Variants in COL22A1 observed in about 807,000 individuals in gnomAD.
The protein encoded by COL22A1 is collagen type XXII alpha 1 chain.
In COL22A1, 221 loss-of-function variants were observed where a neutral mutation model predicts 248.9. The ratio of observed to expected loss-of-function variants is 0.89; its 90% confidence interval spans 0.80 to 0.99. The LOEUF (loss-of-function observed/expected upper bound fraction) is 0.99, where lower values mean the gene tolerates loss of function less well. Among genes scored for constraint, COL22A1 ranks in the 50% least tolerant of loss-of-function variants. The probability of loss-of-function intolerance (pLI) is 0.00; values close to 1 mark genes in which losing one functional copy is unlikely to be tolerated. For synonymous variants in COL22A1, 891 were observed against 793.4 expected, an observed-to-expected ratio of 1.12 and a Z score of -2.07; for missense variants, 2,240 against 2,179.0, an observed-to-expected ratio of 1.03 and a Z score of -0.56.
intron 12 of COL22A1, among the ~76,000 whole-genome samples, chr8:138,788,738 T>C (rs1815763708): frequency 6.6e-6 from 1 of 152,044 alleles, no homozygotes; most frequent in African/African-American, 2.4e-5. Context: ...CGTCATTTGG[T>C]TTATAAAAAA....
intron 59 of COL22A1, among the ~76,000 whole-genome samples, 185 bp from the exon 60 acceptor site, chr8:138,602,344 TCTC>T (rs1215654237): frequency 6.6e-6 from 1 of 152,112 alleles, no homozygotes; most frequent in Non-Finnish European, 1.5e-5. Flanking sequence ...CTGTGCCTTC[TCTC>T]CTTTCCTCCT....
At chr8:138,603,161 A>T (rs1587647840) in intron 59 of COL22A1, among the ~76,000 whole-genome samples, 2 of 152,326 alleles carry the variant, frequency 1.3e-5, no homozygotes, top group South Asian at 2.1e-4. Context: ...TGCAGGTGCC[A>T]TGTTCAGCCC....
intron 22 of COL22A1, among the ~76,000 whole-genome samples, chr8:138,747,887 G>C (rs1010001856): frequency 2.6e-5 from 4 of 152,158 alleles, no homozygotes; most frequent in Non-Finnish European, 5.9e-5. Context: ...GAACACAAGA[G>C]GAAGAAAAGA....
chr8:138,758,301 C>T (rs908860424), intron 18 of COL22A1, among the ~76,000 whole-genome samples: 1 of 152,192 alleles, frequency 6.6e-6, no homozygotes. Flanking sequence ...GATCGTGAAG[C>T]AGAACAATCC....
intron 23 of COL22A1, among the ~76,000 whole-genome samples, chr8:138,726,834 A>T (rs561881535): frequency 6.6e-6 from 1 of 152,362 alleles, no homozygotes; most frequent in East Asian, 1.9e-4. Flanking sequence ...ACGGGCTGTC[A>T]TAGTGAGGAG....
intron 31 of COL22A1, among the ~76,000 whole-genome samples, chr8:138,701,465 A>T (rs1047457794): frequency 1.3e-5 from 2 of 152,200 alleles, no homozygotes; most frequent in Admixed American, 1.3e-4. Context: ...CTTGCCCTCC[A>T]TGTCCCCAAC....
At chr8:138,805,398 T>C (rs1416406237) in intron 10 of COL22A1, among the ~76,000 whole-genome samples, 1 of 135,036 alleles carries the variant, frequency 7.4e-6, no homozygotes, top group African/African-American at 2.7e-5. Flanking sequence ...TGTGATGGTA[T>C]GTGTGATAGT....
chr8:138,897,063 C>A (rs532020182), intron 1 of COL22A1, among the ~76,000 whole-genome samples: 3 of 152,064 alleles, frequency 2.0e-5, no homozygotes, highest in Non-Finnish European at 4.4e-5. Context: ...TGTAAGGCAG[C>A]CTTATCATTC....
At chr8:138,769,868 T>G (rs1834218807) in intron 16 of COL22A1, among the ~76,000 whole-genome samples, 2 of 152,188 alleles carry the variant, frequency 1.3e-5, no homozygotes, top group African/African-American at 2.4e-5. Context: ...GAGGTGCCCA[T>G]GTCTGCAGGG....
At chr8:138,819,847 C>T (rs1344322595) in intron 7 of COL22A1, among the ~76,000 whole-genome samples, 2 of 151,780 alleles carry the variant, frequency 1.3e-5, no homozygotes, top group Admixed American at 6.6e-5. Flanking sequence ...GTGTATCCCA[C>T]AGCCCAATCA....
rs1280843879 is a variant in COL22A1, at chr8:138,722,047, G to T, written c.2290C>A (p.Pro764Thr). 3.2e-6 allele frequency: 5 copies of T among 1,578,074 alleles called. No individual in the cohort carries two copies. Among genetic ancestry groups the T allele is most frequent in the Non-Finnish European group, 4.3e-6 (5 of 1,159,848 alleles). ...KDGPNGPPGP[P>T]GTKGEPGERG... ...CATCAGTGACCAACCTTGGTTCCTG[G>T]CGGACCTGGTGGTCCATTTGGCCCG... The change falls in exon 26 of 65, where the codon CCA becomes ACA. Residue 764 changes from proline to threonine, a missense_variant. By Grantham distance (38) the Pro-to-Thr change is conservative (BLOSUM62 -1). Coordinates refer to ENST00000303045, the MANE Select transcript of COL22A1 (RefSeq NM_152888.3).
chr8:138,881,027 C>T (rs1315511345), intron 2 of COL22A1, among the ~76,000 whole-genome samples: 1 of 152,158 alleles, frequency 6.6e-6, no homozygotes, highest in African/African-American at 2.4e-5. Flanking sequence ...CGGGCAGGTG[C>T]CCTGGCTTCT....
chr8:138,680,329 T>C (rs1410386792), intron 39 of COL22A1, among the ~76,000 whole-genome samples: 1 of 152,144 alleles, frequency 6.6e-6, no homozygotes. Context: ...CACTCTTTAC[T>C]CCTTCATACG....
intron 22 of COL22A1, among the ~76,000 whole-genome samples, chr8:138,745,755 G>A (rs1258546888): frequency 6.6e-6 from 1 of 152,156 alleles, no homozygotes; most frequent in African/African-American, 2.4e-5. Flanking sequence ...GGAAAAGTGA[G>A]CCTCCTGGAA....
At chr8:138,798,604 A>G (rs768563763) in intron 11 of COL22A1, among the ~76,000 whole-genome samples, 2 of 152,078 alleles carry the variant, frequency 1.3e-5, no homozygotes, top group Non-Finnish European at 2.9e-5. Flanking sequence ...TGCGTATTAC[A>G]TGCGTGTTTG....
At chr8:138,747,503 C>A (rs976867586) in intron 22 of COL22A1, among the ~76,000 whole-genome samples, 3 of 152,186 alleles carry the variant, frequency 2.0e-5, no homozygotes, top group Admixed American at 2.0e-4. Context: ...GACCTCTGGG[C>A]TCCACCACTC....
chr8:138,877,843 C>A lies in COL22A1; in HGVS notation c.565G>T (p.Ala189Ser), dbSNP rs757589780. The A allele has an allele frequency of 6.2e-7, 1 of 1,613,420 alleles. No homozygotes were observed. The highest frequency in any genetic ancestry group is 1.1e-5 in the South Asian group (1 of 91,028). ...ACGTGGGCGGACTTGGGCTCTGAGGCGATCTCCTCCAGCTCCTCCTTGAGT... is the reference window on the plus strand; with the variant it reads ...ACGTGGGCGGACTTGGGCTCTGAGGAGATCTCCTCCAGCTCCTCCTTGAGT... ...EALKEELEEI[A>S]SEPKSAHVFH... Residue 189 changes from alanine to serine, a missense_variant, in exon 3 of 65, where the codon GCC becomes TCC. Transcript: ENST00000303045.
At chr8:138,805,926 G>A (rs1279868596) in intron 10 of COL22A1, among the ~76,000 whole-genome samples, 1 of 148,702 alleles carries the variant, frequency 6.7e-6, no homozygotes, top group African/African-American at 2.5e-5. Context: ...AGGTGACGGT[G>A]TGTGACTGTG....
At chr8:138,608,871 T>C (rs1212828037) in intron 56 of COL22A1, among the ~76,000 whole-genome samples, 2 of 152,048 alleles carry the variant, frequency 1.3e-5, no homozygotes, top group Admixed American at 6.6e-5. Flanking sequence ...AAAGGCAGAG[T>C]CTACGCCTTG....
Sources: allele counts gnomAD v4.1 joint callset (sites outside exome capture counted in the v4.1 genomes callset), GRCh38; gene constraint gnomAD v4.1.1; transcripts MANE v1.5; gene names NCBI Gene and HGNC (gene_info 2026-07-23, HGNC 2026-07-21).